Variants in CORIN observed in about 807,000 individuals in gnomAD.
The protein encoded by CORIN is atrial natriuretic peptide-converting enzyme.
A neutral mutation model predicts 125.3 loss-of-function variants in CORIN; 117 were observed. That is an observed-to-expected ratio of 0.93 (90% CI 0.80 to 1.09). The LOEUF is 1.09. CORIN is among the 50% of genes least tolerant of loss of function. The pLI is 0.00. For missense variants in CORIN, 1,253 were observed against 1,306.7 expected (o/e 0.96, Z 0.63); for synonymous variants, 450 against 466.4 (o/e 0.96, Z 0.45).
chr4:47,822,169 C>T (rs1249403496), intron 1 of CORIN, among the ~76,000 whole-genome samples: 4 of 152,054 alleles, frequency 2.6e-5, no homozygotes, highest in Non-Finnish European at 5.9e-5. Context: ...AATGTATTTA[C>T]TTTTTTCCTT....
At chr4:47,678,751 G>T (rs1484448657) in intron 8 of CORIN, among the ~76,000 whole-genome samples, 1 of 152,134 alleles carries the variant, frequency 6.6e-6, no homozygotes, top group East Asian at 1.9e-4. Flanking sequence ...CATGGATCAT[G>T]TGACCTCAGC....
chr4:47,815,203 A>C (rs1352059152), intron 1 of CORIN, among the ~76,000 whole-genome samples: 1 of 152,164 alleles, frequency 6.6e-6, no homozygotes, highest in Non-Finnish European at 1.5e-5. Context: ...AGGCATAAAA[A>C]GGTCTTTCTC....
chr4:47,604,863 A>C (rs186896858), intron 19 of CORIN, among the ~76,000 whole-genome samples: 277 of 152,324 alleles, frequency 1.8e-3, no homozygotes, highest in African/African-American at 6.4e-3. Context: ...TATTTAAAAA[A>C]AATTAGATCA....
At chr4:47,732,816 G>A (rs947317167) in intron 5 of CORIN, among the ~76,000 whole-genome samples, 1 of 152,076 alleles carries the variant, frequency 6.6e-6, no homozygotes, top group Non-Finnish European at 1.5e-5. Context: ...ACCATCCTTG[G>A]CCTCCCAAAG....
At chr4:47,747,673 C>T (rs557248344) in intron 4 of CORIN, among the ~76,000 whole-genome samples, 1 of 152,082 alleles carries the variant, frequency 6.6e-6, no homozygotes, top group Non-Finnish European at 1.5e-5. Flanking sequence ...TTGACTCTTA[C>T]GGTGGTCATT....
At chr4:47,620,339 T>G (rs1722253980) in intron 19 of CORIN, among the ~76,000 whole-genome samples, 1 of 152,196 alleles carries the variant, frequency 6.6e-6, no homozygotes, top group Non-Finnish European at 1.5e-5. Context: ...GGAATAATTT[T>G]AAAACTTATA....
rs1721172037 is a variant in CORIN at position 47,594,372 on chromosome 4, TC to T, written c.*1348del. On this transcript the variant is annotated 3_prime_UTR_variant, in exon 22 of 22. Transcript: ENST00000273857. ...GTTGCTGGTGGAGGTTAGTAGGGAATCCTAGTTGTTTAAAAGGCAAAATGGA... is the reference window on the plus strand; with the variant it reads ...GTTGCTGGTGGAGGTTAGTAGGGAATCTAGTTGTTTAAAAGGCAAAATGGA... The T allele has an allele frequency of 6.6e-6, 1 of 152,576 alleles. No individual in the cohort carries two copies. Among genetic ancestry groups the T allele is most frequent in the African/African-American group, 2.4e-5 (1 of 41,452 alleles). The allele number at this position is 152,576 out of a possible 1,614,324, so 9.5% of individuals were successfully genotyped here. A position where few individuals can be genotyped will look rare whatever the true frequency, so the allele number is the denominator to read the frequency against.
At chr4:47,623,785 A>C in intron 18 of CORIN, 40 bp from the exon 19 acceptor site, 1 of 1,600,740 alleles carries the variant, frequency 6.2e-7, no homozygotes, top group Non-Finnish European at 8.5e-7. Flanking sequence ...AGTTGATGCC[A>C]AACCTTGCTA....
rs73137916 is a variant in CORIN, at chr4:47,814,709, G to A, written c.64-7662C>T. 2.0e-3 allele frequency among the ~76,000 whole-genome samples: 298 copies of A among 152,192 alleles called. 1 individual carries two copies. Among genetic ancestry groups the A allele is most frequent in the African/African-American group, 6.4e-3 (266 of 41,538 alleles). ...ATATCCCAGGAAGCATAAAGAACAC[G>A]CATCTGGTTTTCAGTAAGTCTTTTC... On this transcript the variant is annotated intron_variant, in intron 1 of 21. Transcript: ENST00000273857.
At chr4:47,601,575 T>C (rs541354566) in intron 20 of CORIN, among the ~76,000 whole-genome samples, 1 of 152,096 alleles carries the variant, frequency 6.6e-6, no homozygotes, top group Non-Finnish European at 1.5e-5. Flanking sequence ...CTGGGCTCAA[T>C]TCATGCTATA....
At chr4:47,768,202 C>A (rs1729855047) in intron 3 of CORIN, among the ~76,000 whole-genome samples, 1 of 152,128 alleles carries the variant, frequency 6.6e-6, no homozygotes, top group Non-Finnish European at 1.5e-5. Flanking sequence ...AACGGCCCCA[C>A]CCCTGTCTCC....
intron 4 of CORIN, among the ~76,000 whole-genome samples, chr4:47,758,872 A>G (rs1729317984): frequency 6.6e-6 from 1 of 152,194 alleles, no homozygotes; most frequent in Non-Finnish European, 1.5e-5. Flanking sequence ...CTTCCCAGCC[A>G]TGCAGAACTG....
chr4:47,796,476 T>C (rs558642466), intron 2 of CORIN, among the ~76,000 whole-genome samples: 3 of 152,170 alleles, frequency 2.0e-5, no homozygotes, highest in Admixed American at 6.5e-5. Context: ...TAATATAAGA[T>C]AAATAAGTTC....
chr4:47,827,927 T>C (rs773511925), intron 1 of CORIN, among the ~76,000 whole-genome samples: 11 of 152,328 alleles, frequency 7.2e-5, no homozygotes, highest in Non-Finnish European at 1.0e-4. Context: ...TGTTCGGATC[T>C]GACCTCTAGC....
chr4:47,598,475 G>A (rs1721333055), intron 21 of CORIN, among the ~76,000 whole-genome samples: 2 of 152,142 alleles, frequency 1.3e-5, no homozygotes, highest in Admixed American at 1.3e-4. Context: ...ATCATGATAA[G>A]AACATGCCCA....
At chr4:47,654,535 G>A (rs1471641147) in intron 12 of CORIN, among the ~76,000 whole-genome samples, 1 of 152,150 alleles carries the variant, frequency 6.6e-6, no homozygotes, top group Non-Finnish European at 1.5e-5. Context: ...GTGGGACTTT[G>A]CATTGGAACT....
intron 6 of CORIN, among the ~76,000 whole-genome samples, chr4:47,687,258 C>A (rs1351258364): frequency 3.9e-5 from 6 of 152,266 alleles, no homozygotes; most frequent in Admixed American, 3.9e-4. Context: ...ATACAAATGG[C>A]AAATGCAAAT....
chr4:47,757,688 G>A (rs1729214063), intron 4 of CORIN, among the ~76,000 whole-genome samples: 1 of 151,462 alleles, frequency 6.6e-6, no homozygotes, highest in South Asian at 2.1e-4. Flanking sequence ...CATTATCCAT[G>A]AAAATAGAAG....
intron 13 of CORIN, among the ~76,000 whole-genome samples, chr4:47,647,765 C>T (rs1478652711): frequency 3.3e-5 from 5 of 152,110 alleles, no homozygotes; most frequent in African/African-American, 7.2e-5. Context: ...ATGAAGTATG[C>T]GTAAGGGGTA....
Sources: allele counts gnomAD v4.1 joint callset (sites outside exome capture counted in the v4.1 genomes callset), GRCh38; gene constraint gnomAD v4.1.1; transcripts MANE v1.5; gene names NCBI Gene and HGNC (gene_info 2026-07-23, HGNC 2026-07-21).